SDK1: variants seen among roughly 807,000 people sequenced by gnomAD.
The protein encoded by SDK1 is sidekick cell adhesion molecule 1.
SDK1 carries 157 observed loss-of-function variants against 245.5 expected under a neutral mutation model. The ratio of observed to expected loss-of-function variants is 0.64; its 90% CI spans 0.56 to 0.73. SDK1 has a LOEUF of 0.73. Ranked by LOEUF, SDK1 falls within the 30% of genes least tolerant of loss-of-function variation. SDK1 has a pLI of 0.00. For synonymous variants in SDK1, 1,647 were observed against 1,278.5 expected, an observed-to-expected ratio of 1.29 and a Z score of -6.15; for missense variants, 3,583 against 3,002.3, an observed-to-expected ratio of 1.19 and a Z score of -4.52.
chr7:3,330,013 C>G (rs759672343), intron 1 of SDK1, among the ~76,000 whole-genome samples: 2 of 152,136 alleles, frequency 1.3e-5, no homozygotes, highest in African/African-American at 2.4e-5. Flanking sequence ...CTATGGATAC[C>G]AAGTAGATGT....
chr7:4,180,424 C>T (rs796381812), intron 35 of SDK1, among the ~76,000 whole-genome samples: 826 of 122,128 alleles, frequency 6.8e-3, no homozygotes, highest in South Asian at 0.016. Flanking sequence ...CTATGCCCAG[C>T]GCCCAGCTCC....
intron 44 of SDK1, among the ~76,000 whole-genome samples, chr7:4,251,719 T>C (rs374172362): frequency 6.6e-6 from 1 of 152,214 alleles, no homozygotes; most frequent in East Asian, 1.9e-4. Flanking sequence ...AAAGGAACTT[T>C]TTACCAGTCA....
At chr7:3,990,054 G>T (rs566389468) in intron 14 of SDK1, among the ~76,000 whole-genome samples, 1 of 152,362 alleles carries the variant, frequency 6.6e-6, no homozygotes, top group African/African-American at 2.4e-5. Flanking sequence ...CTGCACTACA[G>T]CGGGGCTTCA....
intron 1 of SDK1, among the ~76,000 whole-genome samples, chr7:3,456,223 A>G (rs1428835051): frequency 6.6e-6 from 1 of 152,130 alleles, no homozygotes; most frequent in African/African-American, 2.4e-5. Flanking sequence ...TTTGGGCTTC[A>G]CTCAGCTTCT....
intron 1 of SDK1, among the ~76,000 whole-genome samples, chr7:3,372,251 T>C (rs531135498): frequency 2.0e-5 from 3 of 152,218 alleles, no homozygotes; most frequent in South Asian, 2.1e-4. Flanking sequence ...TTGGGAAATA[T>C]TTATGTGTGT....
chr7:3,954,060 C>T (rs1047570602), intron 7 of SDK1, among the ~76,000 whole-genome samples: 15 of 152,154 alleles, frequency 9.9e-5, no homozygotes, highest in Admixed American at 9.8e-4. Flanking sequence ...AACAAATGGG[C>T]TCCTATTACT....
At chr7:3,405,134 G>C (rs1779013706) in intron 1 of SDK1, among the ~76,000 whole-genome samples, 1 of 145,706 alleles carries the variant, frequency 6.9e-6, no homozygotes, top group African/African-American at 2.7e-5. Flanking sequence ...GGTCTACTCA[G>C]ACTTCCTCAT....
intron 35 of SDK1, among the ~76,000 whole-genome samples, chr7:4,202,753 G>A (rs927349433): frequency 5.3e-5 from 8 of 151,520 alleles, no homozygotes; most frequent in Non-Finnish European, 8.8e-5. Flanking sequence ...ACGTAGAACC[G>A]TTTTGTTTTG....
chr7:3,648,004 A>G (rs1378459190), intron 4 of SDK1, among the ~76,000 whole-genome samples: 3 of 152,228 alleles, frequency 2.0e-5, no homozygotes, highest in African/African-American at 7.2e-5. Flanking sequence ...ATAGGTAATT[A>G]CAGGTTTTAT....
chr7:4,076,410 G>A (rs773637392), intron 20 of SDK1, among the ~76,000 whole-genome samples: 2 of 152,080 alleles, frequency 1.3e-5, no homozygotes, highest in Non-Finnish European at 1.5e-5. Flanking sequence ...CAAAAAATTA[G>A]CCAGGCATGG....
At chr7:3,537,869 A>G (rs983935435) in intron 1 of SDK1, among the ~76,000 whole-genome samples, 3 of 152,216 alleles carry the variant, frequency 2.0e-5, no homozygotes, top group African/African-American at 7.2e-5. Context: ...GCACAAATCC[A>G]GGTAATCTCC....
chr7:4,092,282 C>T (rs556036542), intron 22 of SDK1, among the ~76,000 whole-genome samples: 1 of 152,324 alleles, frequency 6.6e-6, no homozygotes, highest in East Asian at 1.9e-4. Context: ...GTCTGTGGCT[C>T]TGTCCCAGCC....
intron 4 of SDK1, among the ~76,000 whole-genome samples, chr7:3,649,001 C>G (rs1159905091): frequency 1.3e-5 from 2 of 152,256 alleles, no homozygotes; most frequent in South Asian, 2.1e-4. Context: ...CCCTCCCTCT[C>G]TTTCTTCCTT....
At chr7:4,233,983 T>C (rs1785977526) in intron 41 of SDK1, among the ~76,000 whole-genome samples, 1 of 152,120 alleles carries the variant, frequency 6.6e-6, no homozygotes, top group Admixed American at 6.5e-5. Flanking sequence ...CGCAACAAAA[T>C]CATTCGCAAG....
rs1172600911 is a variant in SDK1 at position 4,114,043 on chromosome 7, C to A, written c.3592C>A (p.Pro1198Thr). The change falls in exon 25 of 45, where the codon CCG (proline) becomes ACG (threonine). Residue 1198 changes from proline (P) to threonine (T), a missense_variant. Physicochemically the swap from Pro to Thr is conservative, Grantham distance 38 (BLOSUM62 -1). Coordinates refer to ENST00000404826, the MANE Select transcript of SDK1 (RefSeq NM_152744.4). ...TSLRLRWVPL[P>T]DSQYNGNPES... is the part of the protein sequence containing the mutation. ...ACTCCTCGTTCCTTCCTAGCCCCTGCCGGATTCTCAGTACAACGGGAACCC... is the reference window on the plus strand; with the variant it reads ...ACTCCTCGTTCCTTCCTAGCCCCTGACGGATTCTCAGTACAACGGGAACCC... The A allele has an allele frequency of 1.9e-6, 3 of 1,613,958 alleles. No individual in the cohort carries two copies. The South Asian group carries it at 3.3e-5, about 18-fold the overall frequency.
chr7:3,558,515 C>G (rs1362874851), intron 1 of SDK1, among the ~76,000 whole-genome samples: 1 of 152,200 alleles, frequency 6.6e-6, no homozygotes, highest in African/African-American at 2.4e-5. Context: ...CTACACTTTT[C>G]CAGTCACTGG....
intron 5 of SDK1, among the ~76,000 whole-genome samples, chr7:3,873,377 T>G (rs377615443): frequency 5.3e-5 from 8 of 152,168 alleles, no homozygotes; most frequent in African/African-American, 1.9e-4. Context: ...TTTTTATTTG[T>G]CCCTTCTTTT....
In SDK1 at chr7:3,349,778, A is replaced by G. The variant is rs1367551277; in HGVS notation, c.298+47894A>G. Reference sequence around the variant, plus strand: ...CCACGCCTGGTTAATTTTTTTTTGTATTTTTAGTAGAGACGGGGTTTCACC... The same window carrying G: ...CCACGCCTGGTTAATTTTTTTTTGTGTTTTTAGTAGAGACGGGGTTTCACC... On this transcript the variant is annotated intron_variant, in intron 1 of 44. Transcript: ENST00000404826. 3.3e-5 allele frequency among the ~76,000 whole-genome samples: 5 copies of G among 150,544 alleles called. No individual in the cohort carries two copies. In the East Asian group the frequency reaches 9.8e-4, roughly 29 times the overall value.
chr7:4,252,643 T>G, intron 44 of SDK1, among the ~76,000 whole-genome samples: 1 of 152,180 alleles, frequency 6.6e-6, no homozygotes, highest in East Asian at 1.9e-4. Flanking sequence ...TTGTGTGATT[T>G]TTATGTAGGG....
Sources: allele counts gnomAD v4.1 joint callset (sites outside exome capture counted in the v4.1 genomes callset), GRCh38; gene constraint gnomAD v4.1.1; transcripts MANE v1.5; gene names NCBI Gene and HGNC (gene_info 2026-07-23, HGNC 2026-07-21).